RBFOX1: variants seen among roughly 807,000 people sequenced by gnomAD.
The protein encoded by RBFOX1 is RNA binding protein fox-1 homolog 1.
RBFOX1 carries 8 observed loss-of-function variants against 57.7 expected under a neutral mutation model. That is an observed-to-expected ratio of 0.14 (90% CI 0.08 to 0.25). The LOEUF is 0.25. Among genes scored for constraint, RBFOX1 ranks in the 10% least tolerant of loss-of-function variants. The probability of loss-of-function intolerance (pLI) is 1.00; values close to 1 mark genes in which losing one functional copy is unlikely to be tolerated. For synonymous variants in RBFOX1, 326 were observed against 222.4 expected (o/e 1.47, Z -4.15); for missense variants, 611 against 548.5 (o/e 1.11, Z -1.14).
intron 4 of RBFOX1, among the ~76,000 whole-genome samples, chr16:7,134,173 T>C (rs76167010): frequency 0.025 from 3,746 of 152,242 alleles, 153 homozygotes; most frequent in African/African-American, 0.085. Context: ...TAATGCATTT[T>C]TGAGGTTTCA....
At chr16:6,163,583 G>A (rs187367649) in intron 1 of RBFOX1, among the ~76,000 whole-genome samples, 30 of 152,296 alleles carry the variant, frequency 2.0e-4, no homozygotes, top group Admixed American at 7.2e-4. Context: ...TCATGCAAAT[G>A]TTGGGTGTTC....
chr16:7,422,617 T>A (rs1372845441), intron 4 of RBFOX1, among the ~76,000 whole-genome samples: 1 of 152,142 alleles, frequency 6.6e-6, no homozygotes, highest in Non-Finnish European at 1.5e-5. Context: ...GCACGATTTT[T>A]CATCTTCCAG....
At chr16:5,379,941 C>T (rs522955) in intron 1 of RBFOX1, among the ~76,000 whole-genome samples, 4,224 of 152,212 alleles carry the variant, frequency 0.028, 201 homozygotes, top group African/African-American at 0.097. Flanking sequence ...GCGCTTGGGG[C>T]GTTGGAGGAA....
intron 1 of RBFOX1, among the ~76,000 whole-genome samples, chr16:5,242,310 C>T (rs1386062682): frequency 6.6e-6 from 1 of 152,192 alleles, no homozygotes; most frequent in Non-Finnish European, 1.5e-5. Context: ...AGGAACTGAA[C>T]ACAAACCATC....
chr16:6,876,272 T>G (rs1246587598), intron 3 of RBFOX1, among the ~76,000 whole-genome samples: 1 of 152,122 alleles, frequency 6.6e-6, no homozygotes, highest in Admixed American at 6.6e-5. Flanking sequence ...TTCTTGGGAA[T>G]TGTCCTAGAA....
chr16:5,873,350 C>G (rs904503494), intron 4 of RBFOX1, among the ~76,000 whole-genome samples: 3 of 152,164 alleles, frequency 2.0e-5, no homozygotes, highest in African/African-American at 7.2e-5. Flanking sequence ...TGTCTCCACC[C>G]AAGGACAAGA....
intron 4 of RBFOX1, among the ~76,000 whole-genome samples, chr16:7,437,006 A>T (rs1489274855): frequency 1.3e-5 from 2 of 152,300 alleles, no homozygotes; most frequent in East Asian, 3.9e-4. Flanking sequence ...TCTTAAACCC[A>T]GGAGGTGGAG....
At chr16:5,257,004 G>C (rs563264033) in intron 1 of RBFOX1, among the ~76,000 whole-genome samples, 1 of 151,812 alleles carries the variant, frequency 6.6e-6, no homozygotes, top group Non-Finnish European at 1.5e-5. Context: ...ATTTGTCAAA[G>C]ATTGTTGTTG....
At chr16:5,628,065 T>C (rs2048396792) in intron 3 of RBFOX1, among the ~76,000 whole-genome samples, 1 of 152,188 alleles carries the variant, frequency 6.6e-6, no homozygotes, top group African/African-American at 2.4e-5. Context: ...TAAAGTAGTA[T>C]AAGGGTGATG....
At chr16:5,594,557 C>G (rs983170061) in intron 2 of RBFOX1, among the ~76,000 whole-genome samples, 1 of 152,118 alleles carries the variant, frequency 6.6e-6, no homozygotes. Flanking sequence ...GAACTTGAAG[C>G]AAAGGCAGGA....
chr16:6,337,078 C>T (rs1333477835), intron 2 of RBFOX1, among the ~76,000 whole-genome samples: 1 of 152,106 alleles, frequency 6.6e-6, no homozygotes, highest in African/African-American at 2.4e-5. Context: ...GTTCAGAGCA[C>T]TTTATATTAC....
chr16:6,220,491 A>G (rs1268628500), intron 1 of RBFOX1, among the ~76,000 whole-genome samples: 1 of 152,224 alleles, frequency 6.6e-6, no homozygotes, highest in Non-Finnish European at 1.5e-5. Flanking sequence ...CCTGTAGACT[A>G]TATTGAGTTA....
At chr16:6,686,736 C>G (rs1005527152) in intron 3 of RBFOX1, among the ~76,000 whole-genome samples, 3 of 152,100 alleles carry the variant, frequency 2.0e-5, no homozygotes, top group Non-Finnish European at 4.4e-5. Context: ...TGTTTCAGGC[C>G]ATAACTCTTT....
At chr16:7,704,416 A>G (rs1396066214) in intron 14 of RBFOX1, among the ~76,000 whole-genome samples, 4 of 152,200 alleles carry the variant, frequency 2.6e-5, no homozygotes, top group Non-Finnish European at 4.4e-5. Flanking sequence ...GAGTCCCCAG[A>G]AAGTTTTCTT....
intron 3 of RBFOX1, among the ~76,000 whole-genome samples, chr16:6,784,666 C>G (rs1301278704): frequency 3.3e-5 from 5 of 151,628 alleles, no homozygotes; most frequent in African/African-American, 1.2e-4. Context: ...AGATGTTCTC[C>G]TTGCATGAGG....
In RBFOX1 at chr16:6,607,092, C is replaced by T. The variant is rs80136303; in HGVS notation, c.-63-47511C>T. Among the ~76,000 whole-genome samples, 896 of 152,288 alleles carry T rather than the reference C, an allele frequency of 5.9e-3. 9 individuals are homozygous for T. The highest frequency in any genetic ancestry group is 8.4e-3 in the Non-Finnish European group (573 of 68,020). On this transcript the variant is annotated intron_variant, in intron 2 of 15. Coordinates refer to ENST00000550418, the MANE Select transcript of RBFOX1 (RefSeq NM_018723.4). ...TAATATACCTGAGGCTGCTGCCTTC[C>T]AAACCTACTGACTAATAGTCCCTGA...
intron 4 of RBFOX1, among the ~76,000 whole-genome samples, chr16:7,334,219 TCTC>T (rs2096744170): frequency 6.6e-6 from 1 of 152,222 alleles, no homozygotes; most frequent in East Asian, 1.9e-4. Flanking sequence ...CAAAACATTC[TCTC>T]TTTCTGGATT....
chr16:5,776,594 A>C (rs1205097505), intron 3 of RBFOX1, among the ~76,000 whole-genome samples: 1 of 152,240 alleles, frequency 6.6e-6, no homozygotes, highest in Non-Finnish European at 1.5e-5. Context: ...TTTTATTATG[A>C]AGAACGAATG....
In RBFOX1 at chr16:6,513,444, G is replaced by C. The variant is rs17540176; in HGVS notation, c.-63-141159G>C. ...TCATGACTCTGTGTAAAAGTTTGGA[G>C]ACCATGAGGCCGGGCGCGGTGGCTC... On this transcript the variant is annotated intron_variant, in intron 2 of 15. Transcript: ENST00000550418. Among the ~76,000 whole-genome samples, 320 of 152,132 alleles carry C rather than the reference G, an allele frequency of 2.1e-3. 1 individual carries two copies. The Middle Eastern group carries it at 0.034, about 16-fold the overall frequency.
Sources: gnomAD v4.1 joint callset for allele counts (sites outside exome capture counted in the v4.1 genomes callset) on GRCh38, gnomAD v4.1.1 for gene constraint, MANE v1.5 for transcripts, NCBI Gene and HGNC (gene_info 2026-07-23, HGNC 2026-07-21) for gene names.